PLEKHA5: variants seen among roughly 807,000 people sequenced by gnomAD.
The protein encoded by PLEKHA5 is pleckstrin homology domain-containing family A member 5.
A neutral mutation model predicts 181.9 loss-of-function variants in PLEKHA5; 55 were observed. That is an observed-to-expected ratio of 0.30 (90% CI 0.24 to 0.38). The LOEUF is 0.38. Among genes scored for constraint, PLEKHA5 ranks in the 10% least tolerant of loss-of-function variants. The pLI is 1.00. For missense variants in PLEKHA5, 1,432 were observed against 1,549.5 expected, an observed-to-expected ratio of 0.92 and a Z score of 1.27; for synonymous variants, 535 against 529.4, an observed-to-expected ratio of 1.01 and a Z score of -0.15.
At chr12:19,350,800 A>G (rs2094555440) in intron 25 of PLEKHA5, among the ~76,000 whole-genome samples, 1 of 152,108 alleles carries the variant, frequency 6.6e-6, no homozygotes. Context: ...AAAACACCTA[A>G]GTGGTAGTAA....
chr12:19,246,068 TC>T (rs2063671630), intron 3 of PLEKHA5, among the ~76,000 whole-genome samples: 1 of 149,618 alleles, frequency 6.7e-6, no homozygotes, highest in Admixed American at 6.6e-5. Context: ...ACGCTCCATC[TC>T]CCAGGTTCAT....
intron 15 of PLEKHA5, among the ~76,000 whole-genome samples, chr12:19,310,609 C>CA (rs5796796): frequency 0.062 from 6,972 of 111,918 alleles, 368 homozygotes; most frequent in East Asian, 0.21. Context: ...GACTCCCTCT[C>CA]AAAAAAAAAA....
At chr12:19,155,431 G>C (rs2041450142) in intron 3 of PLEKHA5, among the ~76,000 whole-genome samples, 1 of 152,032 alleles carries the variant, frequency 6.6e-6, no homozygotes, top group Admixed American at 6.6e-5. Context: ...TTTTCTTCAC[G>C]TCCTTTTTTT....
At chr12:19,163,879 T>C (rs2043599418) in intron 3 of PLEKHA5, among the ~76,000 whole-genome samples, 1 of 152,168 alleles carries the variant, frequency 6.6e-6, no homozygotes, top group South Asian at 2.1e-4. Context: ...AAAAGTTGGC[T>C]GACAAGAATG....
At chr12:19,132,700 T>C (rs12811645) in intron 3 of PLEKHA5, among the ~76,000 whole-genome samples, 26,124 of 151,754 alleles carry the variant, frequency 0.17, 3,022 homozygotes, top group Non-Finnish European at 0.26. Context: ...ATGGCCACTT[T>C]TAAAAATAAT....
intron 15 of PLEKHA5, chr12:19,306,736 C>A: frequency 8.3e-7 from 1 of 1,204,904 alleles, no homozygotes; most frequent in Non-Finnish European, 1.2e-6. Context: ...ACACCTCTTC[C>A]CGCCGGATAA....
At chr12:19,336,127 G>C (rs2093410554) in intron 20 of PLEKHA5, among the ~76,000 whole-genome samples, 1 of 152,120 alleles carries the variant, frequency 6.6e-6, no homozygotes, top group Non-Finnish European at 1.5e-5. Flanking sequence ...TGTTTAAATA[G>C]CTAGCTAAAT....
intron 20 of PLEKHA5, among the ~76,000 whole-genome samples, chr12:19,323,167 A>G (rs958591825): frequency 6.6e-6 from 1 of 151,776 alleles, no homozygotes; most frequent in African/African-American, 2.4e-5. Context: ...CCAGCCAAAC[A>G]TTTTGTCCTT....
chr12:19,362,467 G>A (rs1481120019), intron 29 of PLEKHA5, among the ~76,000 whole-genome samples: 2 of 152,004 alleles, frequency 1.3e-5, no homozygotes, highest in African/African-American at 4.8e-5. Flanking sequence ...CCAGGAGGCA[G>A]AGGTTGCAGT....
chr12:19,298,491 C>T (rs1379190991), intron 15 of PLEKHA5, among the ~76,000 whole-genome samples: 2 of 146,768 alleles, frequency 1.4e-5, no homozygotes, highest in East Asian at 4.0e-4. Context: ...GCCTCAGCCT[C>T]CCGAGTAGCT....
chr12:19,363,381 G>A (rs1229218872), intron 29 of PLEKHA5, among the ~76,000 whole-genome samples: 2 of 151,604 alleles, frequency 1.3e-5, no homozygotes, highest in African/African-American at 4.8e-5. Context: ...TGTTAGCCAG[G>A]ATGGTCTCGA....
At chr12:19,333,216 C>G (rs1275160037) in intron 20 of PLEKHA5, among the ~76,000 whole-genome samples, 1 of 151,974 alleles carries the variant, frequency 6.6e-6, no homozygotes, top group Non-Finnish European at 1.5e-5. Context: ...ACCCAGGAGG[C>G]AGAGGTTGCG....
chr12:19,195,237 C>T (rs2052362057), intron 3 of PLEKHA5, among the ~76,000 whole-genome samples: 1 of 152,170 alleles, frequency 6.6e-6, no homozygotes, highest in East Asian at 1.9e-4. Context: ...TCATCTTATT[C>T]CTGGCTCCTG....
chr12:19,178,370 G>A (rs1252723417), intron 3 of PLEKHA5, among the ~76,000 whole-genome samples: 1 of 150,016 alleles, frequency 6.7e-6, no homozygotes, highest in African/African-American at 2.4e-5. Flanking sequence ...AAAGACAGTA[G>A]CATATTCAGG....
chr12:19,341,010 GC>G (rs1233012696), intron 21 of PLEKHA5, among the ~76,000 whole-genome samples: 1 of 151,762 alleles, frequency 6.6e-6, no homozygotes, highest in Non-Finnish European at 1.5e-5. Flanking sequence ...AGTGGCGTAT[GC>G]CTGTAATCCC....
intron 16 of PLEKHA5, 94 bp downstream of exon 16, chr12:19,314,988 G>A (rs1023281404): frequency 1.4e-6 from 1 of 700,306 alleles, no homozygotes; most frequent in Non-Finnish European, 2.6e-6. Flanking sequence ...CATGACATCA[G>A]TGTTTTTCTT....
chr12:19,347,197 T>C lies in PLEKHA5; in HGVS notation c.2898+15T>C. The C allele has an allele frequency of 7.0e-7, 1 of 1,429,810 alleles. No individual in the cohort carries two copies. The allele number at this position is 1,429,810 out of a possible 1,614,324, so 88.6% of individuals were successfully genotyped here. A position where few individuals can be genotyped will look rare whatever the true frequency, so the allele number is the denominator to read the frequency against. On this transcript the variant is annotated intron_variant, in intron 24 of 31. Coordinates refer to ENST00000429027, the MANE Select transcript of PLEKHA5 (RefSeq NM_001256470.2). ...GATCTCACTGTGTAAGTGGCTGGAA[T>C]AGCCACAGAATAATCAATCCTACAT...
intron 3 of PLEKHA5, among the ~76,000 whole-genome samples, chr12:19,202,657 T>C (rs566529216): frequency 6.6e-6 from 1 of 151,514 alleles, no homozygotes; most frequent in African/African-American, 2.4e-5. Flanking sequence ...CCTAACAAAC[T>C]CCAATTGTGA....
rs145395491 is a variant in PLEKHA5, at chr12:19,173,342, A to G, written c.227+40892A>G. Among the ~76,000 whole-genome samples the G allele has an allele frequency of 2.3e-4, 35 of 152,080 alleles. 1 individual carries two copies. The highest frequency in any genetic ancestry group is 8.0e-4 in the African/African-American group (33 of 41,486). On this transcript the variant is annotated intron_variant, in intron 3 of 31. Transcript: ENST00000429027. ...CCGGCCCTTGATTTCCCTTTCTTGT[A>G]TGCATACACCCATACACATAAAATT...
Sources: gnomAD v4.1 joint callset for allele counts (sites outside exome capture counted in the v4.1 genomes callset) on GRCh38, gnomAD v4.1.1 for gene constraint, MANE v1.5 for transcripts, NCBI Gene and HGNC (gene_info 2026-07-23, HGNC 2026-07-21) for gene names.